TNNI3K: variants seen among roughly 807,000 people sequenced by gnomAD.
TNNI3K encodes TNNI3 interacting kinase.
A neutral mutation model predicts 114.5 loss-of-function variants in TNNI3K; 140 were observed. The observed-to-expected ratio is 1.22, with a 90% CI of 1.07 to 1.41. The LOEUF (loss-of-function observed/expected upper bound fraction) is 1.41, where lower values mean the gene tolerates loss of function less well. TNNI3K is among the 40% of genes most tolerant of loss of function. The pLI, the probability that TNNI3K is intolerant of heterozygous loss-of-function variation, is 0.00. For synonymous variants in TNNI3K, 347 were observed against 347.5 expected, an observed-to-expected ratio of 1.00 and a Z score of 0.02; for missense variants, 1,125 against 1,007.6, an observed-to-expected ratio of 1.12 and a Z score of -1.58.
At chr1:74,258,149 AT>A (rs923097951) in intron 4 of TNNI3K, among the ~76,000 whole-genome samples, 1 of 152,114 alleles carries the variant, frequency 6.6e-6, no homozygotes, top group African/African-American at 2.4e-5. Flanking sequence ...TATCACCACC[AT>A]TCACCTTTTA....
At chr1:74,449,410 A>G (rs914365450) in intron 20 of TNNI3K, among the ~76,000 whole-genome samples, 38 of 151,822 alleles carry the variant, frequency 2.5e-4, no homozygotes, top group African/African-American at 8.9e-4. Flanking sequence ...CTTTCAAAAA[A>G]CCAGCTCCTG....
At chr1:74,363,225 T>C (rs1279122442) in intron 11 of TNNI3K, among the ~76,000 whole-genome samples, 1 of 151,962 alleles carries the variant, frequency 6.6e-6, no homozygotes, top group African/African-American at 2.4e-5. Context: ...TGGGCTTTAG[T>C]GGGTTTTGGG....
At chr1:74,287,538 A>G (rs1348111155) in intron 5 of TNNI3K, among the ~76,000 whole-genome samples, 1 of 152,164 alleles carries the variant, frequency 6.6e-6, no homozygotes, top group Non-Finnish European at 1.5e-5. Flanking sequence ...CACAATAGGA[A>G]CAGGACATTC....
At chr1:74,488,848 A>C (rs188304588) in intron 21 of TNNI3K, among the ~76,000 whole-genome samples, 1 of 152,294 alleles carries the variant, frequency 6.6e-6, no homozygotes, top group East Asian at 1.9e-4. Context: ...CAAGGCACTG[A>C]GATAGTTAAT....
At chr1:74,420,325 C>G (rs1422590386) in intron 17 of TNNI3K, among the ~76,000 whole-genome samples, 1 of 151,962 alleles carries the variant, frequency 6.6e-6, no homozygotes, top group Non-Finnish European at 1.5e-5. Context: ...TTCTATGCAC[C>G]TATTTGTTCA....
intron 2 of TNNI3K, among the ~76,000 whole-genome samples, chr1:74,242,094 C>T (rs1035412767): frequency 6.6e-6 from 1 of 151,970 alleles, no homozygotes; most frequent in Non-Finnish European, 1.5e-5. Context: ...CGTGATCTGC[C>T]CACCTTGGCC....
intron 17 of TNNI3K, among the ~76,000 whole-genome samples, chr1:74,385,212 T>G (rs1557535317): frequency 6.6e-6 from 1 of 152,160 alleles, no homozygotes; most frequent in Non-Finnish European, 1.5e-5. Context: ...TTGAAAAGAT[T>G]AGTGTTTTCC....
chr1:74,459,054 C>T (rs920160653), intron 20 of TNNI3K, among the ~76,000 whole-genome samples: 1 of 152,114 alleles, frequency 6.6e-6, no homozygotes, highest in Non-Finnish European at 1.5e-5. Context: ...ATAATGACCT[C>T]TACTGTCCAC....
intron 17 of TNNI3K, chr1:74,416,331 G>A: frequency 4.1e-6 from 4 of 985,356 alleles, no homozygotes; most frequent in East Asian, 1.1e-4. Context: ...GGACCTTAGT[G>A]ACGGGCTACA....
intron 6 of TNNI3K, 56 bp downstream of exon 6, chr1:74,331,604 G>A: frequency 6.8e-7 from 1 of 1,476,662 alleles, no homozygotes; most frequent in Non-Finnish European, 9.2e-7. Context: ...GTAGGCTTTT[G>A]TTGAATTGTC....
intron 17 of TNNI3K, chr1:74,375,663 C>T (rs1401226431): frequency 2.2e-6 from 1 of 453,820 alleles, no homozygotes; most frequent in African/African-American, 2.0e-5. Context: ...AAGAGGACAA[C>T]TTTGACACCC....
At chr1:74,247,463 G>T (rs1251592883) in intron 2 of TNNI3K, among the ~76,000 whole-genome samples, 1 of 152,196 alleles carries the variant, frequency 6.6e-6, no homozygotes, top group Non-Finnish European at 1.5e-5. Context: ...AGCTCCCACG[G>T]TATGAAAGGG....
At chr1:74,323,319 T>A (rs750550723) in intron 5 of TNNI3K, among the ~76,000 whole-genome samples, 1 of 152,194 alleles carries the variant, frequency 6.6e-6, no homozygotes, top group Non-Finnish European at 1.5e-5. Flanking sequence ...AACTTAAGTG[T>A]TTTTCCTTAC....
At chr1:74,256,032 C>T (rs1655268381) in intron 4 of TNNI3K, among the ~76,000 whole-genome samples, 1 of 152,126 alleles carries the variant, frequency 6.6e-6, no homozygotes, top group Non-Finnish European at 1.5e-5. Context: ...GGACATTTTC[C>T]CAGATTTTGA....
intron 23 of TNNI3K, 69 bp downstream of exon 23, chr1:74,492,335 A>T (rs986645149): frequency 1.4e-6 from 2 of 1,383,726 alleles, no homozygotes; most frequent in Non-Finnish European, 1.9e-6. Flanking sequence ...CAGTCAACTG[A>T]TTTGATTACT....
chr1:74,420,306 C>A (rs1665334136), intron 17 of TNNI3K, among the ~76,000 whole-genome samples: 1 of 152,048 alleles, frequency 6.6e-6, no homozygotes, highest in African/African-American at 2.4e-5. Flanking sequence ...TTAGAATTCA[C>A]ATAATTCATT....
rs558024518 is a variant in TNNI3K, at chr1:74,520,105, G to T, written c.2352-20129G>T. Among the ~76,000 whole-genome samples the T allele has an allele frequency of 1.3e-4, 20 of 152,228 alleles. No homozygotes were observed. In the East Asian group the frequency reaches 3.5e-3, roughly 26 times the overall value. ...TGAGATTTTGGAGCACCCATCACCT[G>T]AGCAGTATATGCTGAACCCAATTTG... is the stretch of plus-strand genomic sequence containing the variant. On this transcript the variant is annotated intron_variant, in intron 23 of 24. Transcript: ENST00000326637.
rs1370592602 is a variant in TNNI3K, at chr1:74,367,311, G to T, written c.1233G>T (p.Leu411Phe). ...ATTATAAGAGACCACAAGATGAATT[G>T]CCCTGTAATGAATATTCTCAGCCTG... ...LKHYKRPQDE[L>F]PCNEYSQPGG... The change falls in exon 12 of 25, where the codon TTG becomes TTT. Residue 411 changes from leucine to phenylalanine, a missense_variant. Transcript: ENST00000326637. The T allele has an allele frequency of 6.2e-7, 1 of 1,612,006 alleles. No homozygotes were observed. The highest frequency in any genetic ancestry group is 8.5e-7 in the Non-Finnish European group (1 of 1,178,736).
chr1:74,525,509 T>C (rs918889843), intron 23 of TNNI3K, among the ~76,000 whole-genome samples: 3 of 152,122 alleles, frequency 2.0e-5, no homozygotes, highest in African/African-American at 7.2e-5. Flanking sequence ...ATCTGAGAGA[T>C]GAGGCTGAAG....
Sources: allele counts gnomAD v4.1 joint callset (sites outside exome capture counted in the v4.1 genomes callset), GRCh38; gene constraint gnomAD v4.1.1; transcripts MANE v1.5; gene names NCBI Gene and HGNC (gene_info 2026-07-23, HGNC 2026-07-21).